The following NDP variants were observed in gnomAD, a reference collection of about 807,000 sequenced individuals.
NDP encodes norrin.
A neutral mutation model predicts 8.4 loss-of-function variants in NDP; 2 were observed. The observed-to-expected ratio is 0.24, with a 90% CI of 0.10 to 0.75. NDP has a LOEUF of 0.75. NDP is among the 30% of genes least tolerant of loss of function. The pLI is 0.73. For synonymous variants in NDP, 55 were observed against 45.6 expected, an observed-to-expected ratio of 1.21 and a Z score of -0.83; for missense variants, 81 against 110.1, an observed-to-expected ratio of 0.74 and a Z score of 1.18.
Position 43,949,318 on chromosome X carries a change from C to A in NDP, c.*481G>T, listed in dbSNP as rs556578848. ...ATGCTTGGTATCTGGACTTTGAAAT[C>A]GGTAACCTTTAGCAGCAATGGCAAC... On this transcript the variant is annotated 3_prime_UTR_variant, in exon 3 of 3. Coordinates refer to ENST00000642620, the MANE Select transcript of NDP (RefSeq NM_000266.4). 6.6e-4 allele frequency: 91 copies of A among 137,959 alleles called. No homozygotes were observed. Among genetic ancestry groups the A allele is most frequent in the Non-Finnish European group, 1.1e-3 (75 of 69,229 alleles). 11.4% of individuals were successfully genotyped at this position (137,959 alleles called of 1,213,427 possible).
intron 2 of NDP, among the ~76,000 whole-genome samples, chrX:43,953,102 C>T (rs1331186185): frequency 1.0e-5 from 1 of 99,059 alleles, no homozygotes; most frequent in African/African-American, 4.2e-5. Context: ...GACTATGAAG[C>T]AATTATTGAA....
At chrX:43,966,344 G>C (rs771111984) in intron 1 of NDP, among the ~76,000 whole-genome samples, 1 of 111,385 alleles carries the variant, frequency 9.0e-6, no homozygotes. Flanking sequence ...TAACAAAAGA[G>C]GAGGAGGAGG....
chrX:43,972,386 C>T (rs933603639), intron 1 of NDP, among the ~76,000 whole-genome samples: 3 of 110,732 alleles, frequency 2.7e-5, no homozygotes, highest in African/African-American at 9.9e-5. Flanking sequence ...AAGAGTTATG[C>T]CCAGGCCTCC....
At chrX:43,957,706 T>C (rs932740616) in intron 2 of NDP, among the ~76,000 whole-genome samples, 4 of 107,631 alleles carry the variant, frequency 3.7e-5, no homozygotes, top group African/African-American at 1.4e-4. Flanking sequence ...TAAAAATCTC[T>C]GAGGTTGGGC....
intron 1 of NDP, among the ~76,000 whole-genome samples, chrX:43,963,338 C>A: frequency 1.7e-5 from 1 of 58,688 alleles, no homozygotes; most frequent in African/African-American, 5.3e-5. Flanking sequence ...CTGTTGTTTT[C>A]CTGGATGGTT....
At chrX:43,959,759 G>A (rs2035816132) in intron 1 of NDP, among the ~76,000 whole-genome samples, 1 of 111,715 alleles carries the variant, frequency 9.0e-6, no homozygotes, top group African/African-American at 3.3e-5. Context: ...ACAGAAGACA[G>A]AAAGTATCAA....
intron 1 of NDP, chrX:43,960,974 C>T (rs924186744): frequency 8.9e-6 from 1 of 112,310 alleles, no homozygotes; most frequent in African/African-American, 3.2e-5. Flanking sequence ...AATAACAAAA[C>T]CCTATACATG....
chrX:43,958,179 C>T (rs1452042605), intron 2 of NDP, among the ~76,000 whole-genome samples: 2 of 111,444 alleles, frequency 1.8e-5, no homozygotes, highest in African/African-American at 6.5e-5. Flanking sequence ...GACTTGTAAA[C>T]TCCATTTTTC....
At chrX:43,955,265 T>C (rs144381882) in intron 2 of NDP, among the ~76,000 whole-genome samples, 1,233 of 112,312 alleles carry the variant, frequency 0.011, 14 homozygotes, top group African/African-American at 0.037. Context: ...TATAACTTTA[T>C]CATCAAGATC....
Position 43,958,852 on chromosome X carries a change from G to A in NDP, c.-207C>T. On this transcript the variant is annotated splice_region_variant and 5_prime_UTR_variant, in exon 2 of 3. Transcript: ENST00000642620. ...CCATCATCACAGTATCTGCTGCACA[G>A]CTGGAATGAAAACAGAAATTACTTT... 2.3e-6 allele frequency: 1 copy of A among 427,770 alleles called. No individual in the cohort carries two copies. Among genetic ancestry groups the A allele is most frequent in the Non-Finnish European group, 4.1e-6 (1 of 244,064 alleles). The allele number at this position is 427,770 out of a possible 1,213,427, so 35.3% of individuals were successfully genotyped here.
intron 1 of NDP, among the ~76,000 whole-genome samples, chrX:43,964,938 G>A (rs1396191185): frequency 8.9e-6 from 1 of 112,066 alleles, no homozygotes; most frequent in East Asian, 2.8e-4. Context: ...TCTTACTTAA[G>A]GAGTTAATGA....
At chrX:43,951,053 G>A (rs2035758554) in intron 2 of NDP, among the ~76,000 whole-genome samples, 1 of 110,414 alleles carries the variant, frequency 9.1e-6, no homozygotes, top group South Asian at 3.9e-4. Context: ...TGGAGAATCT[G>A]AGATTATTGG....
chrX:43,950,119 C>G, intron 2 of NDP, 93 bp from the exon 3 acceptor site: 2 of 793,336 alleles, frequency 2.5e-6, no homozygotes, highest in Non-Finnish European at 3.7e-6. Context: ...ACACTCGTTG[C>G]CAATTCCTGC....
intron 1 of NDP, among the ~76,000 whole-genome samples, chrX:43,959,447 A>C (rs2035813852): frequency 8.9e-6 from 1 of 112,190 alleles, no homozygotes; most frequent in African/African-American, 3.2e-5. Context: ...CTGCATCTGA[A>C]ATACACATTA....
At chrX:43,972,186 T>C (rs2035894141) in intron 1 of NDP, among the ~76,000 whole-genome samples, 1 of 111,551 alleles carries the variant, frequency 9.0e-6, no homozygotes, top group Non-Finnish European at 1.9e-5. Context: ...TATTAATGAG[T>C]TACAAAGAAC....
chrX:43,954,232 C>T (rs902368539), intron 2 of NDP, among the ~76,000 whole-genome samples: 1 of 111,433 alleles, frequency 9.0e-6, no homozygotes, highest in Non-Finnish European at 1.9e-5. Flanking sequence ...CTCCGCTCAT[C>T]TTCAGGGACC....
At chrX:43,964,038 A>C (rs1436329317) in intron 1 of NDP, among the ~76,000 whole-genome samples, 2 of 111,671 alleles carry the variant, frequency 1.8e-5, no homozygotes, top group Non-Finnish European at 3.8e-5. Context: ...TTCATCTCAG[A>C]GATAGGCACA....
At chrX:43,970,115 A>G (rs998019711) in intron 1 of NDP, among the ~76,000 whole-genome samples, 1 of 112,173 alleles carries the variant, frequency 8.9e-6, no homozygotes, top group Non-Finnish European at 1.9e-5. Flanking sequence ...ATACCATCCC[A>G]GAGAAATTTT....
intron 1 of NDP, among the ~76,000 whole-genome samples, chrX:43,962,651 G>A (rs761862664): frequency 8.9e-6 from 1 of 111,912 alleles, no homozygotes; most frequent in African/African-American, 3.2e-5. Flanking sequence ...GGCAATAATG[G>A]ATTGAACAAG....
Sources: gnomAD v4.1 joint callset for allele counts (sites outside exome capture counted in the v4.1 genomes callset) on GRCh38, gnomAD v4.1.1 for gene constraint, MANE v1.5 for transcripts, NCBI Gene and HGNC (gene_info 2026-07-23, HGNC 2026-07-21) for gene names.